The following PRRC2B variants were observed in gnomAD, a reference collection of about 807,000 sequenced individuals.
PRRC2B encodes proline rich coiled-coil 2B.
PRRC2B carries 68 observed loss-of-function variants against 242.3 expected under a neutral mutation model. The ratio of observed to expected loss-of-function variants is 0.28; its 90% CI spans 0.23 to 0.34. The LOEUF (loss-of-function observed/expected upper bound fraction) is 0.34. PRRC2B is among the 10% of genes least tolerant of loss of function. The pLI is 1.00. For missense variants in PRRC2B, 2,835 were observed against 2,954.8 expected (o/e 0.96, Z 0.94); for synonymous variants, 1,228 against 1,173.6 (o/e 1.05, Z -0.95).
intron 3 of PRRC2B, among the ~76,000 whole-genome samples, chr9:131,434,762 G>A (rs912968774): frequency 1.3e-5 from 2 of 152,140 alleles, no homozygotes; most frequent in Admixed American, 6.6e-5. Flanking sequence ...CTTGAATCTC[G>A]TTGAGTGAAA....
intron 1 of PRRC2B, among the ~76,000 whole-genome samples, chr9:131,406,910 T>C (rs1392132395): frequency 6.6e-6 from 1 of 152,254 alleles, no homozygotes; most frequent in Non-Finnish European, 1.5e-5. Context: ...AAGAGAGGAC[T>C]GCTGTCTTAA....
intron 6 of PRRC2B, among the ~76,000 whole-genome samples, chr9:131,445,864 C>T (rs1160472933): frequency 6.6e-6 from 1 of 152,196 alleles, no homozygotes; most frequent in Non-Finnish European, 1.5e-5. Context: ...AGCAGGTTTC[C>T]GTCTGTGAGC....
intron 13 of PRRC2B, among the ~76,000 whole-genome samples, chr9:131,470,504 A>G (rs1458425521): frequency 6.6e-6 from 1 of 152,156 alleles, no homozygotes; most frequent in African/African-American, 2.4e-5. Context: ...GGAGTGTCTG[A>G]TCTAGGTGAA....
chr9:131,470,760 G>A, intron 13 of PRRC2B, 28 bp from the exon 14 acceptor site: 1 of 1,601,126 alleles, frequency 6.2e-7, no homozygotes, highest in Non-Finnish European at 8.5e-7. Flanking sequence ...GCACCAGCCT[G>A]ACCAAGTCTC....
chr9:131,468,437 C>T (rs867930675), intron 13 of PRRC2B, among the ~76,000 whole-genome samples: 1 of 152,136 alleles, frequency 6.6e-6, no homozygotes, highest in African/African-American at 2.4e-5. Context: ...CCGTTATTGG[C>T]TTTTTATAAA....
chr9:131,494,497 G>T lies in PRRC2B; in HGVS notation c.6555+11G>T. On this transcript the variant is annotated intron_variant, in intron 31 of 31. Transcript: ENST00000683519. The surrounding 1 kb of genome is among the most constrained non-coding windows in gnomAD (Gnocchi z 4.3). The stretch of plus-strand genomic sequence containing the variant: ...CACTACGTGCAACAGGTAGAAGATG[G>T]CTTTCCAGACCCTTCAGCCCTGGAC... The T allele has an allele frequency of 6.6e-7, 1 of 1,518,182 alleles. No individual in the cohort carries two copies. Among genetic ancestry groups the T allele is most frequent in the Non-Finnish European group, 9.1e-7 (1 of 1,099,722 alleles). 94.0% of individuals were successfully genotyped at this position (1,518,182 alleles called of 1,614,324 possible). A position where few individuals can be genotyped will look rare whatever the true frequency, so the allele number is the denominator to read the frequency against.
intron 1 of PRRC2B, among the ~76,000 whole-genome samples, chr9:131,403,050 T>C (rs934719750): frequency 2.0e-5 from 3 of 152,210 alleles, no homozygotes; most frequent in Admixed American, 1.3e-4. Flanking sequence ...CAGGACTCTT[T>C]CCATGGGTCC....
At chr9:131,433,712 C>T (rs980216105) in intron 3 of PRRC2B, among the ~76,000 whole-genome samples, 1 of 152,188 alleles carries the variant, frequency 6.6e-6, no homozygotes, top group African/African-American at 2.4e-5. Context: ...ATGTAGGAAA[C>T]CAGACGGTAA....
chr9:131,378,381 G>T (rs2131262079), intron 1 of PRRC2B, among the ~76,000 whole-genome samples: 1 of 151,930 alleles, frequency 6.6e-6, no homozygotes, highest in Admixed American at 6.6e-5. Context: ...TATGCCACAG[G>T]TCTCTAGCCT....
chr9:131,389,215 G>A (rs12351921), upstream of PRRC2B, among the ~76,000 whole-genome samples: 1 of 146,546 alleles, frequency 6.8e-6, no homozygotes, highest in South Asian at 2.2e-4. Context: ...TGCAGTGCTG[G>A]GATCACGGCT....
intron 1 of PRRC2B, among the ~76,000 whole-genome samples, chr9:131,386,567 C>T (rs149383608): frequency 0.01 from 1,561 of 150,272 alleles, 62 homozygotes; most frequent in African/African-American, 0.036. Flanking sequence ...AGAACACCCA[C>T]GTCCTTCCAG....
At chr9:131,391,677 T>C (rs529520249), upstream of PRRC2B, among the ~76,000 whole-genome samples, 73 of 152,144 alleles carry the variant, frequency 4.8e-4, no homozygotes, top group African/African-American at 1.7e-3. Context: ...CTATAGGGAG[T>C]GTTTAGCACA....
chr9:131,388,347 TCTC>T (rs1484791845), intron 1 of PRRC2B, among the ~76,000 whole-genome samples: 1 of 146,742 alleles, frequency 6.8e-6, no homozygotes, highest in Admixed American at 7.2e-5. Flanking sequence ...TTCAAGCAAT[TCTC>T]CTGCCTCAGC....
Position 131,496,167 on chromosome 9 carries a change from C to A in PRRC2B, c.*293C>A. The A allele has an allele frequency of 3.3e-6, 1 of 302,952 alleles. No homozygotes were observed. Among genetic ancestry groups the A allele is most frequent in the Non-Finnish European group, 6.1e-6 (1 of 162,718 alleles). The allele number at this position is 302,952 out of a possible 1,614,324, so 18.8% of individuals were successfully genotyped here. ...CGCCTCCTGTGCAGTGCAGATTTGCCCTCCCTGCCTCCTCCCTGTCCTGCC... is the reference window on the plus strand; with the variant it reads ...CGCCTCCTGTGCAGTGCAGATTTGCACTCCCTGCCTCCTCCCTGTCCTGCC... On this transcript the variant is annotated 3_prime_UTR_variant, in exon 32 of 32. Transcript: ENST00000683519.
At position 131,386,371 on chromosome 9, in the gene PRRC2B, C is replaced by A. The variant is rs376019152; in HGVS notation, c.-56+12640C>A. Among the ~76,000 whole-genome samples, 5 of 150,286 alleles carry A rather than the reference C, an allele frequency of 3.3e-5. 1 individual carries two copies. The East Asian group carries it at 9.8e-4, about 30-fold the overall frequency. On this transcript the variant is annotated intron_variant, in intron 1 of 1. Coordinates refer to the PRRC2B transcript ENST00000682525. ...GGTTCAAGCAGTTTTCCTGCCTTGG[C>A]CTCCCAGAGTCCCGTGATTATAGGT...
At chr9:131,444,047 A>C in intron 5 of PRRC2B, 138 bp from the exon 6 acceptor site, 1 of 941,760 alleles carries the variant, frequency 1.1e-6, no homozygotes, top group Non-Finnish European at 1.6e-6. Context: ...GGCATCTGCC[A>C]GCACAGAGCA....
chr9:131,445,590 G>T (rs1005645929), intron 6 of PRRC2B, among the ~76,000 whole-genome samples: 2 of 152,340 alleles, frequency 1.3e-5, no homozygotes, highest in Middle Eastern at 3.4e-3. Flanking sequence ...CATTGGAGAA[G>T]ATGAGAAAAC....
rs895288208 is a variant in PRRC2B at position 131,451,649 on chromosome 9, T to C, written c.1121-3427T>C. 3.3e-5 allele frequency among the ~76,000 whole-genome samples: 5 copies of C among 150,386 alleles called. No individual in the cohort carries two copies. In the South Asian group the frequency reaches 8.3e-4, roughly 25 times the overall value. On this transcript the variant is annotated intron_variant, in intron 9 of 31. Transcript: ENST00000683519. Reference sequence around the variant, plus strand: ...TATTAACCTCAAGTTCTTTCTGGTCTGAGGAAGAAAATGTTTCATGTGTCA... The same window carrying C: ...TATTAACCTCAAGTTCTTTCTGGTCCGAGGAAGAAAATGTTTCATGTGTCA...
chr9:131,397,582 T>G (rs1837101810), intron 1 of PRRC2B, among the ~76,000 whole-genome samples: 1 of 66,996 alleles, frequency 1.5e-5, no homozygotes, highest in Non-Finnish European at 3.6e-5. Flanking sequence ...TTTTTTTTTT[T>G]TTGCCTTGCA....
Sources: allele counts gnomAD v4.1 joint callset (sites outside exome capture counted in the v4.1 genomes callset), GRCh38; gene constraint gnomAD v4.1.1; non-coding constraint Gnocchi (gnomAD v3.1); transcripts MANE v1.5; gene names NCBI Gene and HGNC (gene_info 2026-07-23, HGNC 2026-07-21).